BBS2: variants seen among roughly 807,000 people sequenced by gnomAD.
BBS2 encodes BBSome complex member BBS2.
In BBS2, 62 loss-of-function variants were observed where a neutral mutation model predicts 83.0. That is an observed-to-expected ratio of 0.75 (90% CI 0.61 to 0.92). The LOEUF (loss-of-function observed/expected upper bound fraction) is 0.92, where lower values mean the gene tolerates loss of function less well. BBS2 is among the 40% of genes least tolerant of loss of function. The pLI is 0.00. For synonymous variants in BBS2, 303 were observed against 326.1 expected (o/e 0.93, Z 0.76); for missense variants, 784 against 901.0 (o/e 0.87, Z 1.66).
downstream of BBS2, among the ~76,000 whole-genome samples, chr16:56,483,421 T>A (rs1240771727): frequency 1.3e-5 from 2 of 152,118 alleles, no homozygotes; most frequent in Non-Finnish European, 2.9e-5. Flanking sequence ...CACCCAAACC[T>A]TTTTCCTTAG....
At chr16:56,481,760 A>G (rs561643372), downstream of BBS2, among the ~76,000 whole-genome samples, 3 of 152,226 alleles carry the variant, frequency 2.0e-5, no homozygotes, top group Non-Finnish European at 4.4e-5. Context: ...GAACAGGATG[A>G]GTTCTAAGTT....
At chr16:56,472,854 TAAC>T (rs747400959) in intron 17 of BBS2, among the ~76,000 whole-genome samples, 2 of 152,212 alleles carry the variant, frequency 1.3e-5, no homozygotes, top group Non-Finnish European at 2.9e-5. Context: ...ACATCCTTTA[TAAC>T]AATAGAACAG....
At chr16:56,500,102 A>G (rs1964223118) in intron 11 of BBS2, 195 bp from the exon 12 acceptor site, 1 of 588,586 alleles carries the variant, frequency 1.7e-6, no homozygotes, top group Admixed American at 2.7e-5. Context: ...AGACAGCATG[A>G]GTCTACATAT....
chr16:56,518,123 T>C (rs1964804212), intron 1 of BBS2, among the ~76,000 whole-genome samples: 1 of 152,018 alleles, frequency 6.6e-6, no homozygotes, highest in Admixed American at 6.6e-5. Context: ...AGCCTGTCAG[T>C]GACTTCTAAC....
In BBS2 at chr16:56,501,380, TA is replaced by T. The variant is rs1302938669; in HGVS notation, c.1197del (p.His399GlnfsTer18). 3 of 1,614,052 alleles carry T rather than the reference TA, an allele frequency of 1.9e-6. No homozygotes were observed. Among genetic ancestry groups the T allele is most frequent in the Admixed American group, 1.7e-5 (1 of 60,006 alleles). On this transcript the variant is annotated frameshift_variant, in exon 10 of 17. Transcript: ENST00000245157. LOFTEE classifies it high-confidence loss of function. The stretch of plus-strand genomic sequence containing the variant: ...TTAGAAGTGGAAATGCGTAATTCTG[TA>T]TGAGCAGTTTGGGTCTCATTCCCCA... ...VSLGNETQTA[H>X]TELRISTSND...
At chr16:56,479,992 T>C (rs1239173168), downstream of BBS2, among the ~76,000 whole-genome samples, 8 of 152,222 alleles carry the variant, frequency 5.3e-5, no homozygotes, top group African/African-American at 9.6e-5. Flanking sequence ...AGCTCCAGCA[T>C]TGGACAGGAA....
At chr16:56,519,686 G>A in intron 1 of BBS2, 60 bp downstream of exon 1, 1 of 1,400,548 alleles carries the variant, frequency 7.1e-7, no homozygotes, top group Non-Finnish European at 1.0e-6. Flanking sequence ...CCAGGGGCGC[G>A]GCCGGCGGAG....
chr16:56,491,387 C>T (rs1221817730), intron 15 of BBS2, among the ~76,000 whole-genome samples: 1 of 152,060 alleles, frequency 6.6e-6, no homozygotes, highest in Admixed American at 6.5e-5. Context: ...GTTAGGGCAC[C>T]CCTCAGGCTT....
rs1436713218 is a variant in BBS2 at position 56,505,990 on chromosome 16, T to A, written c.764A>T (p.Asp255Val). 1 of 1,613,926 alleles carries A rather than the reference T, an allele frequency of 6.2e-7. No individual in the cohort carries two copies. Among genetic ancestry groups the A allele is most frequent in the African/African-American group, 1.3e-5 (1 of 74,922 alleles). Reference sequence around the variant, plus strand: ...ACCAGTTATCAGTTCATTCACTCCATCAGAATTAAGGTCAAAAGCATGAAT... The same window carrying A: ...ACCAGTTATCAGTTCATTCACTCCAACAGAATTAAGGTCAAAAGCATGAAT... Reference protein sequence around the residue: ...MSIHAFDLNSDGVNELITGWS... With the variant: ...MSIHAFDLNSVGVNELITGWS... The change falls in exon 7 of 17, where the codon GAT becomes GTT. Residue 255 changes from aspartate to valine, a missense_variant. By Grantham distance (152) the Asp-to-Val change is radical (BLOSUM62 -3). Transcript: ENST00000245157.
At chr16:56,489,675 C>T (rs1963881589) in intron 15 of BBS2, among the ~76,000 whole-genome samples, 1 of 152,068 alleles carries the variant, frequency 6.6e-6, no homozygotes, top group Non-Finnish European at 1.5e-5. Flanking sequence ...TGGCGCATGC[C>T]TGTAATCCCA....
At chr16:56,511,984 A>C (rs1240224138) in intron 2 of BBS2, among the ~76,000 whole-genome samples, 2 of 152,206 alleles carry the variant, frequency 1.3e-5, no homozygotes, top group Non-Finnish European at 2.9e-5. Flanking sequence ...ATATCCAAGA[A>C]ATGTCTACAA....
intron 12 of BBS2, 151 bp from the exon 13 acceptor site, chr16:56,498,719 G>T (rs2144135866): frequency 6.7e-7 from 1 of 1,489,494 alleles, no homozygotes; most frequent in Non-Finnish European, 9.0e-7. Flanking sequence ...AAAAAAAAAA[G>T]AATTATACTT....
Position 56,519,768 on chromosome 16 carries a change from G to T in BBS2, c.95C>A (p.Ala32Glu). 1 of 1,613,276 alleles carries T rather than the reference G, an allele frequency of 6.2e-7. No individual in the cohort carries two copies. Among genetic ancestry groups the T allele is most frequent in the South Asian group, 1.1e-5 (1 of 91,050 alleles). Residue 32 changes from alanine (A) to glutamate (E), a missense_variant, in exon 1 of 17, where the codon GCG (alanine) becomes GAG (glutamate). Transcript: ENST00000245157. ...GRYDGTHPCL[A>E]AATQTGKVFI... The stretch of plus-strand genomic sequence containing the variant: ...TACCTTGCCCGTTTGGGTGGCGGCC[G>T]CCAGGCACGGGTGAGTCCCGTCGTA...
At chr16:56,480,360 A>AAAC (rs1555519790), downstream of BBS2, among the ~76,000 whole-genome samples, 1 of 104,074 alleles carries the variant, frequency 9.6e-6, no homozygotes, top group Non-Finnish European at 2.0e-5. Flanking sequence ...CACAAAAAAA[A>AAAC]AAAAACAAAA....
At chr16:56,500,302 G>T (rs1265008959) in intron 11 of BBS2, 4 of 264,162 alleles carry the variant, frequency 1.5e-5, no homozygotes, top group South Asian at 1.2e-4. Flanking sequence ...AACATTTTTT[G>T]ATTATGAGAT....
chr16:56,474,689 T>C (rs1963373543), intron 17 of BBS2: 1 of 641,714 alleles, frequency 1.6e-6, no homozygotes, highest in Admixed American at 3.1e-5. Flanking sequence ...GCTGGATTGG[T>C]AGAATAGCAC....
chr16:56,519,062 G>A (rs1257315589), intron 1 of BBS2, among the ~76,000 whole-genome samples: 2 of 152,184 alleles, frequency 1.3e-5, no homozygotes, highest in African/African-American at 4.8e-5. Flanking sequence ...TGGGTGCAGT[G>A]GCTCACGCCT....
rs558723675 is a variant in BBS2, at chr16:56,493,836, C to A, written c.1910+3131G>T. ...CCTAAAGACACAAAGAATTAACACA[C>A]AAAAAATCTTAAACTGTTTTCAGCA... On this transcript the variant is annotated intron_variant, in intron 15 of 16. Transcript: ENST00000245157. 1.4e-4 allele frequency among the ~76,000 whole-genome samples: 22 copies of A among 152,240 alleles called. No homozygotes were observed. In the East Asian group the frequency reaches 2.5e-3, roughly 17 times the overall value.
downstream of BBS2, among the ~76,000 whole-genome samples, chr16:56,480,366 C>CAAAAAAAAAAAAAAAAAAAA (rs1157907841): frequency 2.2e-5 from 2 of 90,230 alleles, no homozygotes; most frequent in African/African-American, 4.2e-5. Context: ...AAAAAAAAAA[C>CAAAAAAAAAAAAAAAAAAAA]AAAAAAAAAA....
Sources: gnomAD v4.1 joint callset for allele counts (sites outside exome capture counted in the v4.1 genomes callset) on GRCh38, gnomAD v4.1.1 for gene constraint, MANE v1.5 for transcripts, NCBI Gene and HGNC (gene_info 2026-07-23, HGNC 2026-07-21) for gene names.